The following HPD variants were observed in gnomAD, a reference collection of about 807,000 sequenced individuals.
HPD encodes the protein 4-hydroxyphenylpyruvic acid oxidase.
In HPD, 35 loss-of-function variants were observed where a neutral mutation model predicts 56.9. That is an observed-to-expected ratio of 0.62 (90% CI 0.47 to 0.82). The LOEUF (loss-of-function observed/expected upper bound fraction) is 0.82, where lower values mean the gene tolerates loss of function less well. HPD is among the 40% of genes least tolerant of loss of function. The probability of loss-of-function intolerance (pLI) is 0.00; values close to 1 mark genes in which losing one functional copy is unlikely to be tolerated. For synonymous variants in HPD, 186 were observed against 200.2 expected (o/e 0.93, Z 0.60); for missense variants, 442 against 506.8 (o/e 0.87, Z 1.23).
chr12:121,854,476 C>T (rs913798145), intron 7 of HPD, among the ~76,000 whole-genome samples: 1 of 152,166 alleles, frequency 6.6e-6, no homozygotes, highest in South Asian at 2.1e-4. Flanking sequence ...GCCTTCACCC[C>T]CTTGCTGTCA....
the HPD span, among the ~76,000 whole-genome samples, chr12:121,877,015 AC>A: frequency 6.8e-5 from 10 of 147,628 alleles, no homozygotes; most frequent in South Asian, 2.2e-3. Context: ...AATTGCTTGA[AC>A]CCAGGAGGCG....
At chr12:121,861,045 C>T (rs923327129), upstream of HPD, among the ~76,000 whole-genome samples, 5 of 151,946 alleles carry the variant, frequency 3.3e-5, no homozygotes, top group Admixed American at 3.3e-4. Flanking sequence ...ACTAAAAATA[C>T]AAAAATTAGC....
chr12:121,882,339 T>C, the HPD span, among the ~76,000 whole-genome samples: 4 of 152,028 alleles, frequency 2.6e-5, no homozygotes, highest in Non-Finnish European at 5.9e-5. Flanking sequence ...CTATTTCCCA[T>C]GTGTTTGTCT....
At chr12:121,840,283 C>T (rs1877364924) in intron 12 of HPD, among the ~76,000 whole-genome samples, 1 of 152,144 alleles carries the variant, frequency 6.6e-6, no homozygotes, top group Non-Finnish European at 1.5e-5. Context: ...CCATCCTCCC[C>T]GCAGACATTA....
At chr12:121,864,579 CG>C (rs1367551710), upstream of HPD, among the ~76,000 whole-genome samples, 4 of 140,958 alleles carry the variant, frequency 2.8e-5, no homozygotes, top group Non-Finnish European at 4.6e-5. Flanking sequence ...AATGGCCGGG[CG>C]CAGTGGCTCA....
intron 5 of HPD, 34 bp downstream of exon 5, chr12:121,856,549 A>G (rs202030179): frequency 6.2e-7 from 1 of 1,610,824 alleles, no homozygotes; most frequent in Admixed American, 1.7e-5. Flanking sequence ...TCCCACCCAC[A>G]GAGCCATGCG....
chr12:121,858,970 G>C, upstream of HPD: 4 of 877,424 alleles, frequency 4.6e-6, no homozygotes, highest in South Asian at 5.5e-5. Flanking sequence ...GAAGGTTCCA[G>C]GCCTGGGGAC....
intron 7 of HPD, among the ~76,000 whole-genome samples, chr12:121,854,464 CT>C (rs989412979): frequency 5.9e-5 from 9 of 152,188 alleles, no homozygotes; most frequent in African/African-American, 2.2e-4. Flanking sequence ...TTCAGAGCCC[CT>C]GCCTTCACCC....
the HPD span, chr12:121,874,122 CG>C: frequency 6.6e-6 from 1 of 152,168 alleles, no homozygotes; most frequent in Admixed American, 6.6e-5. Context: ...CAGCACCCCC[CG>C]GTATATGCCA....
chr12:121,872,853 G>C, the HPD span, among the ~76,000 whole-genome samples: 2 of 152,114 alleles, frequency 1.3e-5, no homozygotes, highest in Non-Finnish European at 2.9e-5. Context: ...AACCAGAGCT[G>C]AGAGAAGATA....
At chr12:121,883,365 G>A in the HPD span, among the ~76,000 whole-genome samples, 1 of 151,874 alleles carries the variant, frequency 6.6e-6, no homozygotes, top group Non-Finnish European at 1.5e-5. Context: ...TGTTCTGGCT[G>A]CTTTGGAGAC....
chr12:121,850,217 C>T (rs757493474), intron 7 of HPD, among the ~76,000 whole-genome samples: 45 of 151,908 alleles, frequency 3.0e-4, no homozygotes, highest in Non-Finnish European at 2.1e-4. Flanking sequence ...GTCAGGAGAT[C>T]GAGACCATCC....
At chr12:121,854,316 G>A (rs1031939676) in intron 7 of HPD, among the ~76,000 whole-genome samples, 6 of 152,148 alleles carry the variant, frequency 3.9e-5, no homozygotes, top group African/African-American at 1.4e-4. Context: ...AAAGTTAAGC[G>A]CATGTCCCAG....
chr12:121,873,679 G>A, the HPD span, among the ~76,000 whole-genome samples: 2 of 152,146 alleles, frequency 1.3e-5, no homozygotes, highest in African/African-American at 4.8e-5. Flanking sequence ...AATTAGCTGG[G>A]CGTGCTGGCG....
chr12:121,856,280 A>G (rs772345385), intron 6 of HPD, 44 bp downstream of exon 6: 2 of 1,504,068 alleles, frequency 1.3e-6, no homozygotes, highest in South Asian at 2.2e-5. Context: ...TCCCCATGGC[A>G]GACGGAGGCC....
chr12:121,839,931 C>T lies in HPD; in HGVS notation c.1071+1G>A, dbSNP rs762450726. On this transcript the variant is annotated splice_donor_variant, in intron 13 of 13. Coordinates refer to ENST00000289004, the MANE Select transcript of HPD (RefSeq NM_002150.3). LOFTEE classifies it high-confidence loss of function. Reference sequence around the variant, plus strand: ...TCGGGCCTGCCGGGGACAAGCAGTACCTGGTGGTTGTGGCGCTGGATGACT... The same window carrying T: ...TCGGGCCTGCCGGGGACAAGCAGTATCTGGTGGTTGTGGCGCTGGATGACT... 6.2e-7 allele frequency: 1 copy of T among 1,612,854 alleles called. No homozygotes were observed.
At chr12:121,888,191 A>T in the HPD span, among the ~76,000 whole-genome samples, 1 of 152,218 alleles carries the variant, frequency 6.6e-6, no homozygotes, top group South Asian at 2.1e-4. Context: ...TAACAGGAAC[A>T]TCCAGCACCT....
At chr12:121,866,949 G>A (rs1878343720), upstream of HPD, among the ~76,000 whole-genome samples, 1 of 151,898 alleles carries the variant, frequency 6.6e-6, no homozygotes, top group East Asian at 1.9e-4. Flanking sequence ...CCAACCCCTG[G>A]CAACCACTGA....
At chr12:121,865,332 T>TGC (rs1565881878), upstream of HPD, among the ~76,000 whole-genome samples, 3 of 151,698 alleles carry the variant, frequency 2.0e-5, no homozygotes, top group African/African-American at 7.2e-5. Flanking sequence ...TGCACTGGCA[T>TGC]GATCTCAGCT....
Sources: allele counts gnomAD v4.1 joint callset (sites outside exome capture counted in the v4.1 genomes callset), GRCh38; gene constraint gnomAD v4.1.1; transcripts MANE v1.5; gene names NCBI Gene and HGNC (gene_info 2026-07-23, HGNC 2026-07-21).